PTPN14: variants seen among roughly 807,000 people sequenced by gnomAD.
The protein encoded by PTPN14 is tyrosine-protein phosphatase non-receptor type 14.
Under a neutral mutation model 126.8 loss-of-function variants are expected in PTPN14, and 53 were observed. The observed-to-expected ratio is 0.42, with a 90% CI of 0.34 to 0.53. The LOEUF (loss-of-function observed/expected upper bound fraction) is 0.53. Ranked by LOEUF, PTPN14 falls within the 20% of genes least tolerant of loss-of-function variation. PTPN14 has a pLI of 0.08. For synonymous variants in PTPN14, 630 were observed against 599.3 expected (o/e 1.05, Z -0.75); for missense variants, 1,257 against 1,552.9 (o/e 0.81, Z 3.20).
chr1:214,539,676 G>A (rs983042042), intron 1 of PTPN14, among the ~76,000 whole-genome samples: 15 of 152,282 alleles, frequency 9.9e-5, no homozygotes, highest in African/African-American at 3.4e-4. Context: ...GAAGGAGGAG[G>A]GAGGAGTGAG....
At chr1:214,529,324 C>T in intron 1 of PTPN14, 1 of 151,416 alleles carries the variant, frequency 6.6e-6, no homozygotes, top group Non-Finnish European at 1.5e-5. Flanking sequence ...GTCTCTCTGC[C>T]AAAAAAAGTC....
chr1:214,451,709 C>G (rs1284518978), intron 3 of PTPN14, 96 bp downstream of exon 3: 1 of 1,417,804 alleles, frequency 7.1e-7, no homozygotes, highest in African/African-American at 1.4e-5. Flanking sequence ...GCACCCACAC[C>G]CACACACCCC....
chr1:214,402,845 T>C, intron 6 of PTPN14, 38 bp downstream of exon 6: 1 of 1,602,446 alleles, frequency 6.2e-7, no homozygotes, highest in Non-Finnish European at 8.5e-7. Context: ...TGTAAACATC[T>C]GTTGTGCAGG....
At chr1:214,438,444 G>C (rs766877149) in intron 3 of PTPN14, among the ~76,000 whole-genome samples, 4 of 152,194 alleles carry the variant, frequency 2.6e-5, no homozygotes, top group Admixed American at 2.0e-4. Flanking sequence ...CAAAATGTTT[G>C]CTTAAATTAT....
intron 18 of PTPN14, among the ~76,000 whole-genome samples, chr1:214,360,898 T>A (rs968264142): frequency 1.3e-5 from 2 of 152,162 alleles, no homozygotes; most frequent in Admixed American, 6.5e-5. Context: ...GGGGGCAGAT[T>A]TCCCTCTTGC....
chr1:214,445,851 C>T (rs1197446739), intron 3 of PTPN14, among the ~76,000 whole-genome samples: 3 of 152,004 alleles, frequency 2.0e-5, no homozygotes, highest in South Asian at 2.1e-4. Context: ...TTTTTCTTTC[C>T]GTGTCCAGAA....
In PTPN14 at chr1:214,401,651, A is replaced by G. The variant is rs772493386; in HGVS notation, c.669+34T>C. The G allele has an allele frequency of 1.3e-5, 19 of 1,480,510 alleles. No individual in the cohort carries two copies. The East Asian group carries it at 2.4e-4, about 18-fold the overall frequency. The allele number at this position is 1,480,510 out of a possible 1,614,324, so 91.7% of individuals were successfully genotyped here. ...TTCCAAATGCCAGTACCGGTCTGAG[A>G]AGGTTAAAGCCAGCACAGGGCACAG... On this transcript the variant is annotated intron_variant, in intron 7 of 18. Coordinates refer to ENST00000366956, the MANE Select transcript of PTPN14 (RefSeq NM_005401.5).
intron 1 of PTPN14, among the ~76,000 whole-genome samples, chr1:214,479,222 A>C (rs374230102): frequency 2.6e-5 from 4 of 152,062 alleles, no homozygotes; most frequent in African/African-American, 9.7e-5. Flanking sequence ...TGGTGCATGC[A>C]TGTAGTCTCA....
rs1028869629 is a variant in PTPN14, at chr1:214,551,506, G to A, written c.-478C>T. ...TCTGTCTAGGGCTCCCCGAGGACCT[G>A]AGCCAGGAGAGCAGGCGGCTGAGCC... On this transcript the variant is annotated 5_prime_UTR_variant, in exon 1 of 19. Transcript: ENST00000366956. 6 of 152,342 alleles carry A rather than the reference G, an allele frequency of 3.9e-5. No homozygotes were observed. The highest frequency in any genetic ancestry group is 1.5e-5 in the Non-Finnish European group (1 of 68,154). The allele number at this position is 152,342 out of a possible 1,614,324, so 9.4% of individuals were successfully genotyped here.
At chr1:214,406,573 T>C (rs1185555402) in intron 5 of PTPN14, among the ~76,000 whole-genome samples, 1 of 152,068 alleles carries the variant, frequency 6.6e-6, no homozygotes, top group African/African-American at 2.4e-5. Context: ...TGAATATAAA[T>C]ATCCACACAT....
intron 1 of PTPN14, among the ~76,000 whole-genome samples, chr1:214,485,650 A>G (rs1661093308): frequency 6.6e-6 from 1 of 152,190 alleles, no homozygotes; most frequent in African/African-American, 2.4e-5. Context: ...GTAACCACAG[A>G]CATGGAGAGT....
At chr1:214,496,299 C>T (rs73077929) in intron 1 of PTPN14, among the ~76,000 whole-genome samples, 8 of 152,208 alleles carry the variant, frequency 5.3e-5, no homozygotes, top group Middle Eastern at 3.4e-3. Flanking sequence ...GGTCACACTG[C>T]GGAACATACT....
intron 11 of PTPN14, among the ~76,000 whole-genome samples, 163 bp downstream of exon 11, chr1:214,390,825 G>T (rs539672848): frequency 7.4e-4 from 112 of 152,230 alleles, no homozygotes; most frequent in African/African-American, 2.5e-3. Context: ...GGGTCCAAGG[G>T]GGACAAAACG....
chr1:214,385,330 C>T (rs1390095128), intron 12 of PTPN14, among the ~76,000 whole-genome samples: 1 of 152,150 alleles, frequency 6.6e-6, no homozygotes, highest in African/African-American at 2.4e-5. Context: ...GCTAGTTCAT[C>T]CTGAGCAGCA....
intron 1 of PTPN14, among the ~76,000 whole-genome samples, chr1:214,493,457 T>C (rs1184006205): frequency 6.6e-6 from 1 of 152,180 alleles, no homozygotes; most frequent in Non-Finnish European, 1.5e-5. Flanking sequence ...ATGTGATTAT[T>C]ATGTATTATA....
intron 3 of PTPN14, among the ~76,000 whole-genome samples, chr1:214,423,339 C>A (rs1018864809): frequency 2.0e-5 from 3 of 151,720 alleles, no homozygotes; most frequent in South Asian, 4.2e-4. Context: ...CAACACCCCC[C>A]AAAAAAGAAA....
At chr1:214,369,785 G>C in intron 16 of PTPN14, 94 bp from the exon 17 acceptor site, 2 of 1,148,550 alleles carry the variant, frequency 1.7e-6, no homozygotes, top group South Asian at 2.6e-5. Context: ...AATGCAAATA[G>C]CTTCTAAATC....
chr1:214,366,263 T>C lies in PTPN14; in HGVS notation c.3272-1588A>G, dbSNP rs1571952552. Reference sequence around the variant, plus strand: ...TTAGGTACCAATACAAGCTAGATATTGTGTGTGGAATCTTCTTTACAATTT... The same window carrying C: ...TTAGGTACCAATACAAGCTAGATATCGTGTGTGGAATCTTCTTTACAATTT... On this transcript the variant is annotated intron_variant, in intron 17 of 18. Transcript: ENST00000366956. Among the ~76,000 whole-genome samples the C allele has an allele frequency of 2.0e-5, 3 of 152,262 alleles. No homozygotes were observed. The South Asian group carries it at 6.2e-4, about 32-fold the overall frequency.
chr1:214,408,049 C>T (rs1393173236), intron 5 of PTPN14, among the ~76,000 whole-genome samples: 1 of 152,192 alleles, frequency 6.6e-6, no homozygotes, highest in East Asian at 1.9e-4. Flanking sequence ...TGCCTAACAG[C>T]ACACATGCCA....
Sources: gnomAD v4.1 joint callset for allele counts (sites outside exome capture counted in the v4.1 genomes callset) on GRCh38, gnomAD v4.1.1 for gene constraint, MANE v1.5 for transcripts, NCBI Gene and HGNC (gene_info 2026-07-23, HGNC 2026-07-21) for gene names.